The following IL1RAPL2 variants were observed in gnomAD, a reference collection of about 807,000 sequenced individuals.
IL1RAPL2 encodes interleukin 1 receptor accessory protein like 2.
Under a neutral mutation model 44.1 loss-of-function variants are expected in IL1RAPL2, and 3 were observed. The observed-to-expected ratio is 0.07, with a 90% CI of 0.03 to 0.18. The LOEUF is 0.18. Ranked by LOEUF, IL1RAPL2 falls within the 10% of genes least tolerant of loss-of-function variation. IL1RAPL2 has a pLI of 1.00. For missense variants in IL1RAPL2, 391 were observed against 496.4 expected (o/e 0.79, Z 2.02); for synonymous variants, 181 against 178.8 (o/e 1.01, Z -0.10).
chrX:105,167,784 A>G (rs2033384147), intron 2 of IL1RAPL2, among the ~76,000 whole-genome samples: 1 of 110,509 alleles, frequency 9.0e-6, no homozygotes, highest in South Asian at 3.9e-4. Context: ...CCATTTTATT[A>G]TAGTTGTTAT....
At chrX:105,087,959 G>T (rs1268733572) in intron 2 of IL1RAPL2, among the ~76,000 whole-genome samples, 1 of 112,144 alleles carries the variant, frequency 8.9e-6, no homozygotes, top group Non-Finnish European at 1.9e-5. Flanking sequence ...GCCATAGTTC[G>T]ATTAGAGTAA....
intron 1 of IL1RAPL2, among the ~76,000 whole-genome samples, chrX:104,602,445 A>G (rs1429344861): frequency 9.0e-6 from 1 of 110,867 alleles, no homozygotes; most frequent in African/African-American, 3.3e-5. Context: ...TTTTCTCCAT[A>G]CCCCAATGGC....
chrX:104,759,908 CT>C lies in IL1RAPL2; in HGVS notation c.82+100920del, dbSNP rs769889663. Among the ~76,000 whole-genome samples, 3 of 111,595 alleles carry C rather than the reference CT, an allele frequency of 2.7e-5. No homozygotes were observed. In the Admixed American group the frequency reaches 2.8e-4, roughly 11 times the overall value. ...AGCAGGTCTTACTCAATCTTTCTAACTTTTTTTGTGCCCATTAACCATCTCC... is the reference window on the plus strand; with the variant it reads ...AGCAGGTCTTACTCAATCTTTCTAACTTTTTTGTGCCCATTAACCATCTCC... On this transcript the variant is annotated intron_variant, in intron 2 of 10. Coordinates refer to ENST00000372582, the MANE Select transcript of IL1RAPL2 (RefSeq NM_017416.2).
chrX:105,062,288 TAAAC>T (rs201850719), intron 2 of IL1RAPL2, among the ~76,000 whole-genome samples: 2,614 of 112,118 alleles, frequency 0.023, 79 homozygotes, highest in African/African-American at 0.077. Context: ...GCTGTTTGCA[TAAAC>T]AAACAAACAA....
chrX:105,720,704 C>T (rs999412127), intron 7 of IL1RAPL2, among the ~76,000 whole-genome samples: 1 of 110,830 alleles, frequency 9.0e-6, no homozygotes, highest in African/African-American at 3.3e-5. Flanking sequence ...ATTTTCTTTT[C>T]TCTTGCCTGA....
At chrX:105,233,079 C>G (rs1225911469) in intron 3 of IL1RAPL2, among the ~76,000 whole-genome samples, 1 of 111,674 alleles carries the variant, frequency 9.0e-6, no homozygotes, top group Non-Finnish European at 1.9e-5. Context: ...GTCAGCAGAT[C>G]CAGACCATCC....
intron 2 of IL1RAPL2, among the ~76,000 whole-genome samples, chrX:105,146,418 C>A (rs2033179966): frequency 9.0e-6 from 1 of 111,453 alleles, no homozygotes; most frequent in South Asian, 3.8e-4. Context: ...GTTTTCAGCC[C>A]TACTCATTCC....
Position 105,430,080 on chromosome X carries a change from G to A in IL1RAPL2, c.698-54233G>A, listed in dbSNP as rs2035837479. 2.7e-5 allele frequency among the ~76,000 whole-genome samples: 3 copies of A among 111,333 alleles called. No individual in the cohort carries two copies. In the Admixed American group the frequency reaches 2.9e-4, roughly 11 times the overall value. ...GACCTATTTTCCAGAAAATCTTCTTGGATTAACCAAGCCCTGTCTGTAGTT... is the reference window on the plus strand; with the variant it reads ...GACCTATTTTCCAGAAAATCTTCTTAGATTAACCAAGCCCTGTCTGTAGTT... On this transcript the variant is annotated intron_variant, in intron 5 of 10. Transcript: ENST00000372582.
intron 3 of IL1RAPL2, among the ~76,000 whole-genome samples, chrX:105,204,161 G>A (rs1456167910): frequency 1.8e-5 from 2 of 110,204 alleles, no homozygotes; most frequent in African/African-American, 6.6e-5. Context: ...TAGATTAAAG[G>A]AAACCCGCCA....
At chrX:105,078,616 G>A (rs1469189700) in intron 2 of IL1RAPL2, among the ~76,000 whole-genome samples, 1 of 112,633 alleles carries the variant, frequency 8.9e-6, no homozygotes, top group African/African-American at 3.2e-5. Context: ...GTTTGTCTGT[G>A]CCCTGCCCCC....
At chrX:105,145,422 C>A (rs1249950829) in intron 2 of IL1RAPL2, among the ~76,000 whole-genome samples, 1 of 111,512 alleles carries the variant, frequency 9.0e-6, no homozygotes, top group Non-Finnish European at 1.9e-5. Context: ...AATTCCCCTG[C>A]AATCGGTAGT....
rs765241615 is a variant in IL1RAPL2 at position 105,765,445 on chromosome X, C to T, written c.1364-1519C>T. ...CAGATTTCACTGCTTATTTTTTCCC[C>T]TGAATGCATAATCTCTAAAATAAAA... On this transcript the variant is annotated intron_variant, in intron 10 of 10. Coordinates refer to ENST00000372582, the MANE Select transcript of IL1RAPL2 (RefSeq NM_017416.2). 4.5e-5 allele frequency: 5 copies of T among 111,645 alleles called. No individual in the cohort carries two copies. In the East Asian group the frequency reaches 1.1e-3, roughly 25 times the overall value. 9.2% of individuals were successfully genotyped at this position (111,645 alleles called of 1,213,427 possible). A position where few individuals can be genotyped will look rare whatever the true frequency, so the allele number is the denominator to read the frequency against.
intron 4 of IL1RAPL2, among the ~76,000 whole-genome samples, chrX:105,254,069 C>T (rs986973537): frequency 5.4e-5 from 6 of 111,405 alleles, no homozygotes; most frequent in African/African-American, 2.0e-4. Context: ...GGTATATACC[C>T]AGTAATAGTA....
chrX:105,370,451 C>T (rs2035329591), intron 5 of IL1RAPL2, among the ~76,000 whole-genome samples: 1 of 111,567 alleles, frequency 9.0e-6, no homozygotes, highest in South Asian at 3.7e-4. Flanking sequence ...TTTTTAGCTC[C>T]ATCTTGTAAG....
chrX:105,764,180 T>G (rs1469616376), intron 10 of IL1RAPL2, among the ~76,000 whole-genome samples: 3 of 111,405 alleles, frequency 2.7e-5, no homozygotes, highest in Non-Finnish European at 3.8e-5. Flanking sequence ...CCACACCCCG[T>G]GTAGCTAAGT....
intron 2 of IL1RAPL2, among the ~76,000 whole-genome samples, chrX:105,150,725 T>C (rs1410259109): frequency 8.9e-6 from 1 of 112,010 alleles, no homozygotes; most frequent in African/African-American, 3.2e-5. Context: ...CGGATCTTAA[T>C]AAATTACCCT....
At position 104,998,963 on chromosome X, in the gene IL1RAPL2, G is replaced by A. The variant is rs371067267; in HGVS notation, c.83-196512G>A. ...CTATAGGCATGTGCCACCATGCCTG[G>A]CTAACATTTGTGTTTTGTAGAGACA... On this transcript the variant is annotated intron_variant, in intron 2 of 10. Coordinates refer to ENST00000372582, the MANE Select transcript of IL1RAPL2 (RefSeq NM_017416.2). Among the ~76,000 whole-genome samples, 10 of 111,222 alleles carry A rather than the reference G, an allele frequency of 9.0e-5. No individual in the cohort carries two copies. In the East Asian group the frequency reaches 2.0e-3, roughly 23 times the overall value.
intron 2 of IL1RAPL2, among the ~76,000 whole-genome samples, chrX:104,666,169 T>A (rs140954676): frequency 1.5e-3 from 161 of 109,617 alleles, no homozygotes; most frequent in African/African-American, 5.0e-3. Context: ...ATCCATACAG[T>A]GAAAATCTCT....
At chrX:104,881,006 A>T (rs2058404638) in intron 2 of IL1RAPL2, among the ~76,000 whole-genome samples, 1 of 111,858 alleles carries the variant, frequency 8.9e-6, no homozygotes, top group African/African-American at 3.2e-5. Context: ...ATAGTTTAAC[A>T]GCACTACACC....
Sources: gnomAD v4.1 joint callset for allele counts (sites outside exome capture counted in the v4.1 genomes callset) on GRCh38, gnomAD v4.1.1 for gene constraint, MANE v1.5 for transcripts, NCBI Gene and HGNC (gene_info 2026-07-23, HGNC 2026-07-21) for gene names.